Variants in ZNF532 observed in about 807,000 individuals in gnomAD.
The protein encoded by ZNF532 is zinc finger protein 532.
ZNF532 carries 22 observed loss-of-function variants against 89.3 expected under a neutral mutation model. The ratio of observed to expected loss-of-function variants is 0.25; its 90% CI spans 0.18 to 0.35. ZNF532 has a LOEUF of 0.35. Among genes scored for constraint, ZNF532 ranks in the 10% least tolerant of loss-of-function variants. The probability of loss-of-function intolerance (pLI) is 1.00; values close to 1 mark genes in which losing one functional copy is unlikely to be tolerated. For missense variants in ZNF532, 1,132 were observed against 1,643.4 expected, an observed-to-expected ratio of 0.69 and a Z score of 5.38; for synonymous variants, 606 against 649.6, an observed-to-expected ratio of 0.93 and a Z score of 1.02.
chr18:58,945,723 A>C (rs8088160), intron 5 of ZNF532, among the ~76,000 whole-genome samples: 2 of 150,926 alleles, frequency 1.3e-5, no homozygotes, highest in Admixed American at 1.3e-4. Flanking sequence ...ATCCTTATTT[A>C]TTTATTTATT....
intron 2 of ZNF532, among the ~76,000 whole-genome samples, chr18:58,878,846 T>C (rs17694691): frequency 0.22 from 34,238 of 152,230 alleles, 4,446 homozygotes; most frequent in Middle Eastern, 0.42. Context: ...GCACTAAGCT[T>C]ACTCCGCATT....
intron 7 of ZNF532, among the ~76,000 whole-genome samples, chr18:58,960,568 G>A (rs926589634): frequency 2.6e-5 from 4 of 152,220 alleles, no homozygotes; most frequent in African/African-American, 9.7e-5. Flanking sequence ...AAAGAACTAG[G>A]CGAAGACTAA....
In ZNF532 at chr18:58,891,298, G is replaced by A. The variant is rs1383717115; in HGVS notation, c.-18+25719G>A. On this transcript the variant is annotated intron_variant, in intron 2 of 9. Transcript: ENST00000591808. ...TAATCCCAGCACTTTCGGAGGCTGA[G>A]GTGGGTAGATCACTTGAGGCCAGGA... Among the ~76,000 whole-genome samples the A allele has an allele frequency of 3.3e-5, 5 of 152,248 alleles. No homozygotes were observed. In the South Asian group the frequency reaches 8.3e-4, roughly 25 times the overall value.
Position 58,985,491 on chromosome 18 carries a change from T to TA in ZNF532, c.*1026dup, listed in dbSNP as rs1477095977. On this transcript the variant is annotated 3_prime_UTR_variant, in exon 10 of 10. Transcript: ENST00000591808. Reference sequence around the variant, plus strand: ...TGCTACTGCCAAACGTTATGGTACTTAGAGTCGGGATGCACAACTTCAACC... The same window carrying TA: ...TGCTACTGCCAAACGTTATGGTACTTAAGAGTCGGGATGCACAACTTCAACC... 6.6e-5 allele frequency: 10 copies of TA among 152,572 alleles called. No individual in the cohort carries two copies. Among genetic ancestry groups the TA allele is most frequent in the Admixed American group, 5.9e-4 (9 of 15,270 alleles). 9.5% of individuals were successfully genotyped at this position (152,572 alleles called of 1,614,324 possible).
intron 2 of ZNF532, among the ~76,000 whole-genome samples, chr18:58,866,350 A>G (rs1048333980): frequency 6.6e-6 from 1 of 152,206 alleles, no homozygotes; most frequent in Admixed American, 6.5e-5. Context: ...GAGAGAAGGA[A>G]GGAGTGAGGA....
At chr18:58,926,567 C>T (rs1035835586) in intron 3 of ZNF532, among the ~76,000 whole-genome samples, 3 of 152,124 alleles carry the variant, frequency 2.0e-5, no homozygotes, top group East Asian at 3.8e-4. Flanking sequence ...AGGCTGGTCT[C>T]GAACTCCTGA....
intron 7 of ZNF532, among the ~76,000 whole-genome samples, chr18:58,963,468 G>A (rs1222793710): frequency 2.0e-5 from 3 of 152,144 alleles, no homozygotes; most frequent in Middle Eastern, 3.2e-3. Flanking sequence ...TGAGGCAGGT[G>A]TGCTGTTGTT....
chr18:58,944,709 A>G (rs532321949), intron 5 of ZNF532, among the ~76,000 whole-genome samples: 7 of 152,144 alleles, frequency 4.6e-5, no homozygotes, highest in African/African-American at 1.7e-4. Flanking sequence ...CTCCTAAAAG[A>G]CATGTCTGTG....
chr18:58,889,312 C>T (rs2058719643), intron 2 of ZNF532, among the ~76,000 whole-genome samples: 1 of 152,086 alleles, frequency 6.6e-6, no homozygotes, highest in Admixed American at 6.6e-5. Context: ...CAGGTAACTG[C>T]CACAAATAAA....
chr18:58,871,383 G>A (rs570274428), intron 2 of ZNF532, among the ~76,000 whole-genome samples: 7 of 152,254 alleles, frequency 4.6e-5, no homozygotes, highest in Admixed American at 4.6e-4. Context: ...ATGCACCACC[G>A]CAGCAGCTAT....
rs552395925 is a variant in ZNF532 at position 58,954,033 on chromosome 18, C to G, written c.3150+234C>G. On this transcript the variant is annotated intron_variant, in intron 7 of 9. Transcript: ENST00000591808. ...ACATGCACTCCTCCAGACTGGTGTG[C>G]ATGAATGTGGTAAGTTACCTATCAC... 1.4e-5 allele frequency: 14 copies of G among 985,202 alleles called. No homozygotes were observed. The South Asian group carries it at 6.1e-4, about 43-fold the overall frequency. The allele number at this position is 985,202 out of a possible 1,614,324, so 61.0% of individuals were successfully genotyped here. A position where few individuals can be genotyped will look rare whatever the true frequency, so the allele number is the denominator to read the frequency against.
chr18:58,947,470 A>T (rs1391592423), intron 5 of ZNF532, among the ~76,000 whole-genome samples: 1 of 152,238 alleles, frequency 6.6e-6, no homozygotes, highest in Non-Finnish European at 1.5e-5. Context: ...CGTAAGAAAC[A>T]TTCAAGCATT....
chr18:58,907,491 G>T (rs2060005166), intron 2 of ZNF532, among the ~76,000 whole-genome samples: 2 of 151,770 alleles, frequency 1.3e-5, no homozygotes, highest in African/African-American at 4.8e-5. Flanking sequence ...ACCCAGCCGA[G>T]AAGTTTTTTG....
intron 2 of ZNF532, among the ~76,000 whole-genome samples, chr18:58,917,425 T>C (rs1233387491): frequency 6.6e-6 from 1 of 152,212 alleles, no homozygotes; most frequent in Non-Finnish European, 1.5e-5. Flanking sequence ...AGTCTCAGGA[T>C]GGAAGGCTGG....
intron 6 of ZNF532, among the ~76,000 whole-genome samples, chr18:58,950,297 C>G (rs1386170016): frequency 6.6e-6 from 1 of 152,146 alleles, no homozygotes; most frequent in East Asian, 1.9e-4. Context: ...GTGGTAAAAT[C>G]CTGTGGCCAC....
At chr18:58,923,821 G>A (rs1175620450) in intron 3 of ZNF532, among the ~76,000 whole-genome samples, 1 of 151,924 alleles carries the variant, frequency 6.6e-6, no homozygotes, top group Non-Finnish European at 1.5e-5. Flanking sequence ...ACCGGCAACT[G>A]TGCCAAGCCC....
intron 4 of ZNF532, among the ~76,000 whole-genome samples, 197 bp from the exon 5 acceptor site, chr18:58,939,246 CAA>C (rs71336307): frequency 6.6e-3 from 227 of 34,454 alleles, no homozygotes; most frequent in African/African-American, 0.018. Flanking sequence ...GACGTTGTCT[CAA>C]AAAAAAAAAA....
chr18:58,895,432 A>G (rs982251222), intron 2 of ZNF532, among the ~76,000 whole-genome samples: 2 of 152,176 alleles, frequency 1.3e-5, no homozygotes, highest in African/African-American at 4.8e-5. Context: ...AGCTCTCAAA[A>G]TGGGTTGGGG....
chr18:58,893,636 G>A (rs1435708038), intron 2 of ZNF532, among the ~76,000 whole-genome samples: 6 of 140,650 alleles, frequency 4.3e-5, no homozygotes, highest in Admixed American at 2.2e-4. Context: ...CAATCTGGGC[G>A]ACAAAGCAAG....
Sources: allele counts gnomAD v4.1 joint callset (sites outside exome capture counted in the v4.1 genomes callset), GRCh38; gene constraint gnomAD v4.1.1; transcripts MANE v1.5; gene names NCBI Gene and HGNC (gene_info 2026-07-23, HGNC 2026-07-21).